Variants in RORA observed in about 807,000 individuals in gnomAD.
RORA encodes the protein RAR related orphan receptor A.
RORA carries 7 observed loss-of-function variants against 69.5 expected under a neutral mutation model. The observed-to-expected ratio is 0.10, with a 90% CI of 0.06 to 0.19. The LOEUF is 0.19. RORA is among the 10% of genes least tolerant of loss of function. RORA has a pLI of 1.00. For synonymous variants in RORA, 261 were observed against 240.8 expected, an observed-to-expected ratio of 1.08 and a Z score of -0.78; for missense variants, 457 against 663.0, an observed-to-expected ratio of 0.69 and a Z score of 3.41.
intron 1 of RORA, among the ~76,000 whole-genome samples, chr15:61,172,025 GA>G (rs2079589421): frequency 6.6e-6 from 1 of 152,162 alleles, no homozygotes; most frequent in Non-Finnish European, 1.5e-5. Flanking sequence ...AACAGCTGTT[GA>G]TGAAGATGTT....
chr15:60,859,509 C>T (rs1233335684), intron 1 of RORA, among the ~76,000 whole-genome samples: 1 of 148,248 alleles, frequency 6.7e-6, no homozygotes, highest in Non-Finnish European at 1.5e-5. Context: ...GGGTCTTGCT[C>T]TGTCATCCAG....
At chr15:61,071,916 T>C (rs1028493976) in intron 1 of RORA, among the ~76,000 whole-genome samples, 1 of 152,134 alleles carries the variant, frequency 6.6e-6, no homozygotes, top group African/African-American at 2.4e-5. Context: ...CAGGGTATAG[T>C]GAATGAGTAG....
intron 2 of RORA, among the ~76,000 whole-genome samples, chr15:60,642,368 G>C (rs139569927): frequency 6.6e-6 from 1 of 152,182 alleles, no homozygotes; most frequent in East Asian, 1.9e-4. Context: ...ATTTGGAACC[G>C]GTGAGTAGAA....
At chr15:61,040,228 T>A (rs1167418355) in intron 1 of RORA, among the ~76,000 whole-genome samples, 2 of 146,176 alleles carry the variant, frequency 1.4e-5, no homozygotes, top group African/African-American at 5.1e-5. Context: ...TTATCTTAAA[T>A]AGGTAGGTGG....
chr15:60,859,746 A>T (rs2073419346), intron 1 of RORA, among the ~76,000 whole-genome samples: 1 of 147,026 alleles, frequency 6.8e-6, no homozygotes, highest in Admixed American at 7.0e-5. Flanking sequence ...ATTTGTGGCC[A>T]CACTGAAGAC....
intron 2 of RORA, among the ~76,000 whole-genome samples, chr15:60,570,938 T>A (rs1298567355): frequency 6.6e-6 from 1 of 152,210 alleles, no homozygotes; most frequent in Admixed American, 6.5e-5. Context: ...TGATCCTACA[T>A]GTGCAATAAA....
chr15:60,502,781 G>T lies in RORA; in HGVS notation c.1162C>A (p.Pro388Thr). The T allele has an allele frequency of 6.2e-7, 1 of 1,612,974 alleles. No individual in the cohort carries two copies. Residue 388 changes from proline to threonine, a missense_variant, in exon 8 of 11, where the codon CCC becomes ACC. This residue lies in a region of RORA where 304 missense variants were observed against 447.4 expected (regional missense o/e 0.68). Transcript: ENST00000335670. ...TTACCTAAGGATTTGAAGACGTCGG[G>T]GCTGGCATACTTCCCATCAAAGTAC... Reference protein sequence around the residue: ...TVYFDGKYASPDVFKSLGCED... With the variant: ...TVYFDGKYASTDVFKSLGCED...
At chr15:61,089,811 C>A (rs1431125146) in intron 1 of RORA, among the ~76,000 whole-genome samples, 1 of 152,164 alleles carries the variant, frequency 6.6e-6, no homozygotes, top group East Asian at 1.9e-4. Flanking sequence ...CGAGCAGTGA[C>A]AAGCAGCAGG....
intron 3 of RORA, among the ~76,000 whole-genome samples, chr15:60,518,396 T>C (rs1288606670): frequency 6.6e-6 from 1 of 152,262 alleles, no homozygotes; most frequent in African/African-American, 2.4e-5. Context: ...TCAGTCTTAC[T>C]GAGTACTTGT....
intron 1 of RORA, among the ~76,000 whole-genome samples, chr15:60,803,727 A>C (rs1000611573): frequency 6.6e-6 from 1 of 152,164 alleles, no homozygotes; most frequent in African/African-American, 2.4e-5. Flanking sequence ...AGGAGGAAGT[A>C]GTTGTTTATT....
chr15:60,990,624 C>G (rs572232055), intron 1 of RORA, among the ~76,000 whole-genome samples: 1 of 151,904 alleles, frequency 6.6e-6, no homozygotes, highest in South Asian at 2.1e-4. Flanking sequence ...AATGAGGCAA[C>G]GGAAAATTTA....
chr15:60,504,801 T>C (rs1324394953), intron 6 of RORA, among the ~76,000 whole-genome samples: 1 of 152,222 alleles, frequency 6.6e-6, no homozygotes, highest in African/African-American at 2.4e-5. Flanking sequence ...TCTGGATCTT[T>C]TTCGTTGCTA....
At chr15:60,669,341 TTG>T (rs1555444596) in intron 2 of RORA, among the ~76,000 whole-genome samples, 26 of 41,126 alleles carry the variant, frequency 6.3e-4, no homozygotes, top group Admixed American at 1.4e-3. Context: ...AAGCGTTTTT[TTG>T]TTTGTTTGTT....
intron 1 of RORA, among the ~76,000 whole-genome samples, chr15:61,219,580 T>TA (rs751782625): frequency 7.7e-5 from 11 of 142,862 alleles, no homozygotes; most frequent in East Asian, 2.0e-4. Flanking sequence ...GTCTCAAAAT[T>TA]TAAAAAAAAA....
chr15:60,932,031 G>GA (rs1365653613), intron 1 of RORA, among the ~76,000 whole-genome samples: 1 of 140,808 alleles, frequency 7.1e-6, no homozygotes, highest in Non-Finnish European at 1.6e-5. Context: ...ATTGAATCAA[G>GA]AGTTTTTTTT....
intron 1 of RORA, among the ~76,000 whole-genome samples, chr15:61,225,558 T>C (rs1268779505): frequency 1.3e-5 from 2 of 152,194 alleles, no homozygotes; most frequent in African/African-American, 4.8e-5. Context: ...TCAACCCAAC[T>C]GAGCTTTTCA....
chr15:60,668,382 G>T (rs886641164), intron 2 of RORA, among the ~76,000 whole-genome samples: 37 of 152,302 alleles, frequency 2.4e-4, no homozygotes, highest in Admixed American at 7.2e-4. Context: ...CTTCACCACA[G>T]CTTCAAGGAC....
intron 2 of RORA, among the ~76,000 whole-genome samples, chr15:60,545,539 G>T (rs749815259): frequency 6.6e-6 from 1 of 152,162 alleles, no homozygotes; most frequent in Non-Finnish European, 1.5e-5. Context: ...AGCAAAACAG[G>T]TGCTCTATCA....
rs546007411 is a variant in RORA, at chr15:60,610,290, A to G, written c.196+68367T>C. On this transcript the variant is annotated intron_variant, in intron 2 of 10. Coordinates refer to ENST00000335670, the MANE Select transcript of RORA (RefSeq NM_134261.3). ...AGGTGCTCATCAAAAGTCTTAAATA[A>G]TGCAAGGCAATGGCAATCCATCCGA... Among the ~76,000 whole-genome samples, 117 of 152,114 alleles carry G rather than the reference A, an allele frequency of 7.7e-4. 1 individual carries two copies. The highest frequency in any genetic ancestry group is 2.7e-3 in the African/African-American group (112 of 41,498).
Sources: gnomAD v4.1 joint callset for allele counts (sites outside exome capture counted in the v4.1 genomes callset) on GRCh38, gnomAD v4.1.1 for gene constraint, gnomAD v4.1.1 regional missense constraint, MANE v1.5 for transcripts, NCBI Gene and HGNC (gene_info 2026-07-23, HGNC 2026-07-21) for gene names.